TSEN2: variants seen among roughly 807,000 people sequenced by gnomAD.
The protein encoded by TSEN2 is tRNA splicing endonuclease subunit 2, also known as tRNA-splicing endonuclease subunit Sen2.
In TSEN2, 54 loss-of-function variants were observed where a neutral mutation model predicts 59.2. That is an observed-to-expected ratio of 0.91 (90% confidence interval 0.73 to 1.14). The LOEUF is 1.14. TSEN2 is among the 50% of genes most tolerant of loss of function. TSEN2 has a pLI of 0.00. For missense variants in TSEN2, 636 were observed against 576.2 expected (o/e 1.10, Z -1.06); for synonymous variants, 195 against 198.2 (o/e 0.98, Z 0.14).
At chr3:12,503,850 G>A (rs749081715) in intron 5 of TSEN2, 66 bp downstream of exon 5, 25 of 1,557,108 alleles carry the variant, frequency 1.6e-5, no homozygotes, top group Non-Finnish European at 2.0e-5. Flanking sequence ...GGCTAATAGG[G>A]ATGTCTTTTG....
At chr3:12,491,291 C>T (rs528443361) in intron 2 of TSEN2, among the ~76,000 whole-genome samples, 105 of 152,142 alleles carry the variant, frequency 6.9e-4, no homozygotes, top group Non-Finnish European at 1.2e-3. Flanking sequence ...CATACCTGGC[C>T]TCTTTATTCT....
At chr3:12,535,938 A>G (rs1324355467), downstream of TSEN2, among the ~76,000 whole-genome samples, 1 of 152,208 alleles carries the variant, frequency 6.6e-6, no homozygotes, top group Non-Finnish European at 1.5e-5. Context: ...GGTTTCCTCA[A>G]CAGTAAAATA....
At chr3:12,486,620 C>G (rs959303438) in intron 1 of TSEN2, among the ~76,000 whole-genome samples, 1 of 152,158 alleles carries the variant, frequency 6.6e-6, no homozygotes, top group Non-Finnish European at 1.5e-5. Flanking sequence ...TCTTCGTATT[C>G]GCGGAGTTAT....
At chr3:12,503,884 T>C (rs1377852684) in intron 5 of TSEN2, 100 bp downstream of exon 5, 1 of 1,476,700 alleles carries the variant, frequency 6.8e-7, no homozygotes, top group Non-Finnish European at 9.2e-7. Flanking sequence ...GCTGGCCTGT[T>C]GTAGGGTCCA....
At chr3:12,517,215 G>T (rs1344501967) in intron 7 of TSEN2, among the ~76,000 whole-genome samples, 2 of 151,912 alleles carry the variant, frequency 1.3e-5, no homozygotes, top group Non-Finnish European at 2.9e-5. Flanking sequence ...AAAATTAGCC[G>T]GGCGTGTTGG....
chr3:12,511,914 A>G (rs1024846159), intron 6 of TSEN2, among the ~76,000 whole-genome samples: 3 of 152,246 alleles, frequency 2.0e-5, no homozygotes, highest in Non-Finnish European at 2.9e-5. Context: ...AGGCCATAAT[A>G]TATAGATTTC....
chr3:12,537,016 A>G (rs1451142639), downstream of TSEN2, among the ~76,000 whole-genome samples: 1 of 151,000 alleles, frequency 6.6e-6, no homozygotes, highest in East Asian at 2.0e-4. Context: ...AAAAAAAAAA[A>G]AGGAATTCGT....
chr3:12,523,296 A>G (rs773394703), intron 8 of TSEN2, among the ~76,000 whole-genome samples: 1 of 152,136 alleles, frequency 6.6e-6, no homozygotes, highest in African/African-American at 2.4e-5. Flanking sequence ...ACTGATAAGT[A>G]TGATTTCTGA....
chr3:12,488,771 GAGAA>G (rs1184910478), intron 1 of TSEN2, among the ~76,000 whole-genome samples: 2 of 152,202 alleles, frequency 1.3e-5, no homozygotes, highest in African/African-American at 4.8e-5. Context: ...GTCTGATTTT[GAGAA>G]AGAGTCATCA....
At chr3:12,529,025 C>T (rs2057290543) in intron 9 of TSEN2, 101 bp downstream of exon 9, 2 of 1,184,174 alleles carry the variant, frequency 1.7e-6, no homozygotes, top group Non-Finnish European at 2.5e-6. Flanking sequence ...AAGTCATGTT[C>T]TTCCTGGCCT....
At chr3:12,481,119 T>A (rs1285934472), upstream of TSEN2, among the ~76,000 whole-genome samples, 1 of 152,236 alleles carries the variant, frequency 6.6e-6, no homozygotes, top group Non-Finnish European at 1.5e-5. Flanking sequence ...CCAGATTAAC[T>A]TGAATTTCAG....
intron 4 of TSEN2, among the ~76,000 whole-genome samples, chr3:12,502,373 A>C (rs1203110961): frequency 6.6e-6 from 1 of 151,952 alleles, no homozygotes; most frequent in Admixed American, 6.6e-5. Context: ...ATTTGTGTTC[A>C]AAAATACAAA....
intron 7 of TSEN2, among the ~76,000 whole-genome samples, chr3:12,517,020 A>T (rs1190635449): frequency 6.6e-6 from 1 of 152,152 alleles, no homozygotes; most frequent in Non-Finnish European, 1.5e-5. Flanking sequence ...TTTACACGCA[A>T]TATTTCCAGT....
intron 1 of TSEN2, among the ~76,000 whole-genome samples, chr3:12,487,053 A>C (rs1411499963): frequency 6.6e-6 from 1 of 152,206 alleles, no homozygotes; most frequent in Non-Finnish European, 1.5e-5. Context: ...GTCTATACCT[A>C]GGGGTGGAGT....
chr3:12,501,371 C>T (rs370554553), intron 4 of TSEN2, among the ~76,000 whole-genome samples: 6 of 152,122 alleles, frequency 3.9e-5, no homozygotes, highest in Non-Finnish European at 8.8e-5. Context: ...GTCACGGTGC[C>T]GTACTGACTC....
chr3:12,522,826 G>C (rs971060380), intron 8 of TSEN2, among the ~76,000 whole-genome samples: 1 of 152,172 alleles, frequency 6.6e-6, no homozygotes, highest in African/African-American at 2.4e-5. Flanking sequence ...TGCCAACCTA[G>C]TTGACCTTAT....
chr3:12,484,343 C>A (rs1239367184), upstream of TSEN2: 1 of 152,340 alleles, frequency 6.6e-6, no homozygotes. Context: ...AGTGGCAGAG[C>A]TGGCGCACAG....
intron 9 of TSEN2, 89 bp from the exon 10 acceptor site, chr3:12,529,673 C>T: frequency 3.4e-6 from 4 of 1,178,070 alleles, no homozygotes; most frequent in Non-Finnish European, 4.9e-6. Flanking sequence ...ATTTCATTTT[C>T]TGTATATTTG....
chr3:12,504,197 A>G (rs939075591), intron 5 of TSEN2, among the ~76,000 whole-genome samples: 2 of 152,198 alleles, frequency 1.3e-5, no homozygotes, highest in Admixed American at 6.5e-5. Flanking sequence ...AATTGCTAAA[A>G]ATTAGAAACA....
Sources: gnomAD v4.1 joint callset for allele counts (sites outside exome capture counted in the v4.1 genomes callset) on GRCh38, gnomAD v4.1.1 for gene constraint, MANE v1.5 for transcripts, NCBI Gene and HGNC (gene_info 2026-07-23, HGNC 2026-07-21) for gene names.